The following ANKRD36C variants were observed in gnomAD, a reference collection of about 807,000 sequenced individuals.
The protein encoded by ANKRD36C is ankyrin repeat domain 36C, also known as ankyrin repeat domain-containing protein 36C.
A neutral mutation model predicts 276.4 loss-of-function variants in ANKRD36C; 61 were observed. The ratio of observed to expected loss-of-function variants is 0.22; its 90% CI spans 0.18 to 0.27. The LOEUF (loss-of-function observed/expected upper bound fraction) is 0.27. ANKRD36C is among the 10% of genes least tolerant of loss of function. ANKRD36C has a pLI of 1.00. For missense variants in ANKRD36C, 1,447 were observed against 2,032.3 expected (o/e 0.71, Z 5.54); for synonymous variants, 483 against 680.1 (o/e 0.71, Z 4.51).
intron 6 of ANKRD36C, among the ~76,000 whole-genome samples, chr2:95,968,060 C>G (rs1051305020): frequency 2.0e-5 from 3 of 152,060 alleles, no homozygotes; most frequent in African/African-American, 7.2e-5. Flanking sequence ...CCATTCCACT[C>G]CAGCCAGGGT....
exon 40 of ANKRD36C, chr2:95,914,128 T>C: frequency 6.3e-7 from 1 of 1,576,338 alleles, no homozygotes; most frequent in East Asian, 2.3e-5. Context: ...TTTTTCTCCA[T>C]CCTCTTTTCC....
intron 44 of ANKRD36C, among the ~76,000 whole-genome samples, chr2:95,896,601 T>C (rs1402831874): frequency 1.1e-4 from 16 of 147,034 alleles, no homozygotes. Flanking sequence ...TGATGCCTCC[T>C]AGTAACCAAG....
At chr2:95,876,097 C>T in intron 59 of ANKRD36C, 1 of 316,710 alleles carries the variant, frequency 3.2e-6, no homozygotes, top group Admixed American at 4.4e-5. Context: ...GTACGGTGGT[C>T]ATCACTGTTA....
intron 59 of ANKRD36C, among the ~76,000 whole-genome samples, chr2:95,872,332 C>A (rs1390619468): frequency 2.0e-5 from 3 of 151,328 alleles, no homozygotes; most frequent in African/African-American, 7.3e-5. Flanking sequence ...GACCACAGTG[C>A]AATCAAACTA....
chr2:95,880,037 G>A (rs1434609878), intron 58 of ANKRD36C, among the ~76,000 whole-genome samples: 4 of 138,460 alleles, frequency 2.9e-5, no homozygotes, highest in Admixed American at 7.5e-5. Context: ...AAAATTAGCC[G>A]GGCATGGTGG....
intron 59 of ANKRD36C, among the ~76,000 whole-genome samples, chr2:95,874,667 A>G (rs1675900598): frequency 6.6e-6 from 1 of 152,248 alleles, no homozygotes; most frequent in African/African-American, 2.4e-5. Context: ...ACAAAAGCCA[A>G]AATTGACAGA....
chr2:95,918,274 C>T (rs1016869783), intron 34 of ANKRD36C, among the ~76,000 whole-genome samples: 7 of 151,522 alleles, frequency 4.6e-5, no homozygotes, highest in African/African-American at 1.7e-4. Flanking sequence ...ATTCGTCATA[C>T]GTCGAAAACT....
Position 95,982,191 on chromosome 2 carries a change from G to A in ANKRD36C, c.593+65C>T, listed in dbSNP as rs188688156. 3.2e-6 allele frequency: 4 copies of A among 1,268,606 alleles called. No homozygotes were observed. In the African/African-American group the frequency reaches 6.2e-5, roughly 20 times the overall value. 78.6% of individuals were successfully genotyped at this position (1,268,606 alleles called of 1,614,324 possible). A position where few individuals can be genotyped will look rare whatever the true frequency, so the allele number is the denominator to read the frequency against. On this transcript the variant is annotated intron_variant, in intron 4 of 66. Transcript: ENST00000456556. ...TTAATGTAAAATTTGTGACTTCAGTGACCGCTACCACTCTAAAATGACACT... is the reference window on the plus strand; with the variant it reads ...TTAATGTAAAATTTGTGACTTCAGTAACCGCTACCACTCTAAAATGACACT...
At chr2:95,853,156 G>C (rs1184883613) in intron 64 of ANKRD36C, 1 of 154,152 alleles carries the variant, frequency 6.5e-6, no homozygotes, top group South Asian at 2.0e-4. Context: ...AATACAAAAG[G>C]AGTAACGATT....
intron 59 of ANKRD36C, among the ~76,000 whole-genome samples, chr2:95,871,518 A>G (rs1294037216): frequency 6.6e-6 from 1 of 152,204 alleles, no homozygotes; most frequent in Non-Finnish European, 1.5e-5. Flanking sequence ...TGAAGGAAGC[A>G]CTAAACGTGG....
At chr2:95,976,517 CA>C (rs1406255776) in intron 6 of ANKRD36C, among the ~76,000 whole-genome samples, 1 of 152,134 alleles carries the variant, frequency 6.6e-6, no homozygotes, top group Non-Finnish European at 1.5e-5. Flanking sequence ...AGTATTTCCA[CA>C]AGGAGCAGAT....
At chr2:95,979,440 A>G (rs1283934436) in intron 5 of ANKRD36C, among the ~76,000 whole-genome samples, 1 of 152,074 alleles carries the variant, frequency 6.6e-6, no homozygotes, top group African/African-American at 2.4e-5. Flanking sequence ...AACCAACTTG[A>G]GACTCAGATA....
intron 34 of ANKRD36C, among the ~76,000 whole-genome samples, chr2:95,918,465 A>G (rs886424637): frequency 1.3e-5 from 2 of 151,652 alleles, no homozygotes; most frequent in Non-Finnish European, 3.0e-5. Flanking sequence ...AACATTCATC[A>G]TGCTCTTTAA....
At chr2:95,923,521 A>G (rs1174847794) in exon 32 of ANKRD36C, 3 of 1,610,802 alleles carry the variant, frequency 1.9e-6, no homozygotes. Context: ...TCCATCCTTT[A>G]TTTCTGTAGC....
intron 6 of ANKRD36C, among the ~76,000 whole-genome samples, chr2:95,963,815 T>A (rs1221990776): frequency 1.7e-5 from 2 of 119,898 alleles, no homozygotes; most frequent in Non-Finnish European, 3.4e-5. Flanking sequence ...CTTTTTCCAC[T>A]TTTGCAAAAA....
intron 42 of ANKRD36C, among the ~76,000 whole-genome samples, chr2:95,909,952 G>A (rs1273775700): frequency 6.6e-6 from 1 of 150,946 alleles, no homozygotes; most frequent in Non-Finnish European, 1.5e-5. Flanking sequence ...TACACCAGGG[G>A]CCTCCTTAGT....
intron 59 of ANKRD36C, among the ~76,000 whole-genome samples, chr2:95,874,070 G>C (rs1341174414): frequency 9.9e-5 from 15 of 152,010 alleles, no homozygotes; most frequent in African/African-American, 3.4e-4. Context: ...TCATGGGTAG[G>C]AAGAATCAGT....
chr2:95,889,755 T>C (rs1233653290), intron 48 of ANKRD36C, 44 bp downstream of exon 68: 2 of 1,548,156 alleles, frequency 1.3e-6, no homozygotes, highest in South Asian at 2.4e-5. Context: ...GAAGATCTCT[T>C]CTATCTTGAA....
At chr2:95,944,488 T>G (rs1677979670) in intron 19 of ANKRD36C, 139 bp downstream of exon 19, 1 of 873,340 alleles carries the variant, frequency 1.1e-6, no homozygotes, top group Non-Finnish European at 1.7e-6. Context: ...GGCAAGTGAA[T>G]AAAGCATGGG....
Sources: allele counts gnomAD v4.1 joint callset (sites outside exome capture counted in the v4.1 genomes callset), GRCh38; gene constraint gnomAD v4.1.1; transcripts MANE v1.5; gene names NCBI Gene and HGNC (gene_info 2026-07-23, HGNC 2026-07-21).